PLA2G10: variants seen among roughly 807,000 people sequenced by gnomAD.
PLA2G10 encodes phospholipase A2 group X.
Under a neutral mutation model 7.9 loss-of-function variants are expected in PLA2G10, and 9 were observed. The ratio of observed to expected loss-of-function variants is 1.14; its 90% CI spans 0.68 to 1.98. The LOEUF is 1.98. Ranked by LOEUF, PLA2G10 falls within the 30% of genes most tolerant of loss-of-function variation. The probability of loss-of-function intolerance (pLI) is 0.00; values close to 1 mark genes in which losing one functional copy is unlikely to be tolerated. For synonymous variants in PLA2G10, 19 were observed against 27.5 expected, an observed-to-expected ratio of 0.69 and a Z score of 0.97; for missense variants, 53 against 65.4, an observed-to-expected ratio of 0.81 and a Z score of 0.66.
chr16:14,688,000 A>C (rs537626435), intron 3 of PLA2G10, among the ~76,000 whole-genome samples, 165 bp downstream of exon 3: 48 of 151,410 alleles, frequency 3.2e-4, no homozygotes, highest in Middle Eastern at 3.4e-3. Flanking sequence ...CTCTGACTCA[A>C]AAAATAAATA....
intron 3 of PLA2G10, among the ~76,000 whole-genome samples, chr16:14,687,484 C>T (rs1038804791): frequency 2.0e-5 from 3 of 151,838 alleles, no homozygotes; most frequent in Admixed American, 2.0e-4. Flanking sequence ...TGTGTGCCAC[C>T]ACGCCTGGCC....
intron 3 of PLA2G10, among the ~76,000 whole-genome samples, chr16:14,681,482 C>T (rs1260356685): frequency 6.6e-6 from 1 of 151,878 alleles, no homozygotes; most frequent in Non-Finnish European, 1.5e-5. Context: ...GACCTGGCCC[C>T]ACTGCTCCAT....
At chr16:14,685,673 G>C (rs1270477996) in intron 3 of PLA2G10, among the ~76,000 whole-genome samples, 1 of 152,058 alleles carries the variant, frequency 6.6e-6, no homozygotes, top group African/African-American at 2.4e-5. Context: ...AGTTAATTTT[G>C]TGTTATGTCT....
At chr16:14,677,126 A>T (rs1428730324) in intron 3 of PLA2G10, among the ~76,000 whole-genome samples, 2 of 152,168 alleles carry the variant, frequency 1.3e-5, no homozygotes, top group Non-Finnish European at 2.9e-5. Flanking sequence ...ATAAGTAAAA[A>T]TTTTCAAAAG....
intron 3 of PLA2G10, among the ~76,000 whole-genome samples, chr16:14,674,429 C>A (rs761329257): frequency 6.6e-6 from 1 of 152,168 alleles, no homozygotes; most frequent in East Asian, 1.9e-4. Flanking sequence ...ATAGGCTGGG[C>A]ACAGTGGCTC....
chr16:14,674,503 C>G (rs556076508), intron 3 of PLA2G10, among the ~76,000 whole-genome samples: 5 of 152,006 alleles, frequency 3.3e-5, no homozygotes, highest in Non-Finnish European at 7.4e-5. Context: ...CAGTTCGAGA[C>G]CAGCCTGGCC....
intron 3 of PLA2G10, among the ~76,000 whole-genome samples, chr16:14,679,218 AC>A (rs1597009648): frequency 6.6e-6 from 1 of 152,144 alleles, no homozygotes. Flanking sequence ...AATGCTGGGC[AC>A]CTATCTAGTA....
At chr16:14,673,458 G>A (rs756435237) in intron 3 of PLA2G10, among the ~76,000 whole-genome samples, 2 of 151,952 alleles carry the variant, frequency 1.3e-5, no homozygotes, top group Non-Finnish European at 2.9e-5. Context: ...TGCAGCCTCC[G>A]CCTCCTGGAC....
Position 14,672,763 on chromosome 16 carries a change from G to A in PLA2G10, c.356-14C>T. On this transcript the variant is annotated splice_polypyrimidine_tract_variant and intron_variant, in intron 3 of 3. Transcript: ENST00000438167. Reference sequence around the variant, plus strand: ...TCTCTGCCGGTCCTGGAAGAAGTGGGGAAACTGAGATTAGAGCAGGGACCT... The same window carrying A: ...TCTCTGCCGGTCCTGGAAGAAGTGGAGAAACTGAGATTAGAGCAGGGACCT... The A allele has an allele frequency of 6.2e-7, 1 of 1,613,518 alleles. No homozygotes were observed. The highest frequency in any genetic ancestry group is 8.5e-7 in the Non-Finnish European group (1 of 1,179,710).
At chr16:14,678,051 C>A (rs1960775766) in intron 3 of PLA2G10, among the ~76,000 whole-genome samples, 1 of 152,140 alleles carries the variant, frequency 6.6e-6, no homozygotes. Flanking sequence ...ACAAGCCTTC[C>A]TGCCTGTAAG....
At chr16:14,678,391 G>A (rs1366627878) in intron 3 of PLA2G10, among the ~76,000 whole-genome samples, 1 of 152,106 alleles carries the variant, frequency 6.6e-6, no homozygotes, top group Non-Finnish European at 1.5e-5. Context: ...CAAGACCACT[G>A]CAACAGCCTG....
At chr16:14,677,853 A>AGATGGATGGATGGATGGATG in intron 3 of PLA2G10, among the ~76,000 whole-genome samples, 1 of 146,074 alleles carries the variant, frequency 6.8e-6, no homozygotes, top group Non-Finnish European at 1.5e-5. Context: ...ATGGATGGAT[A>AGATGGATGGATGGATGGATG]GATGGATGGA....
intron 3 of PLA2G10, among the ~76,000 whole-genome samples, chr16:14,676,817 A>G (rs193043350): frequency 2.0e-5 from 3 of 152,344 alleles, no homozygotes; most frequent in African/African-American, 7.2e-5. Flanking sequence ...TGGTATTTTG[A>G]TAGGGATTGC....
chr16:14,684,057 T>C (rs1960974161), intron 3 of PLA2G10, among the ~76,000 whole-genome samples: 1 of 151,770 alleles, frequency 6.6e-6, no homozygotes. Flanking sequence ...GGGCAACTTA[T>C]CTCTACAAAA....
chr16:14,701,841 C>T, the PLA2G10 span: 3 of 75,780 alleles, frequency 4.0e-5, no homozygotes, highest in Admixed American at 4.5e-4. Context: ...AGTGACCACG[C>T]CACTGCACTC....
Position 14,684,137 on chromosome 16 carries a change from G to A in PLA2G10, c.355+4028C>T, listed in dbSNP as rs148960359. On this transcript the variant is annotated intron_variant, in intron 3 of 3. Coordinates refer to ENST00000438167, the MANE Select transcript of PLA2G10 (RefSeq NM_003561.3). ...GCACTTTGGGAGGCCAAGGCAGATGGATCATGAGGTCAGGAGTTCGAGACA... is the reference window on the plus strand; with the variant it reads ...GCACTTTGGGAGGCCAAGGCAGATGAATCATGAGGTCAGGAGTTCGAGACA... Among the ~76,000 whole-genome samples the A allele has an allele frequency of 9.9e-3, 1,493 of 151,330 alleles. 27 individuals carry two copies. The highest frequency in any genetic ancestry group is 0.034 in the African/African-American group (1,422 of 41,220).
rs530786486 is a variant in PLA2G10 at position 14,681,177 on chromosome 16, GAGAAA to G, written c.355+6983_355+6987del. ...AGACTCTATCTCAAAGAAAAGAAAAGAGAAAAGAAAAGAAAAGGGGGAGGGGGGAG... is the reference window on the plus strand; with the variant it reads ...AGACTCTATCTCAAAGAAAAGAAAAGAGAAAAGAAAAGGGGGAGGGGGGAG... On this transcript the variant is annotated intron_variant, in intron 3 of 3. Coordinates refer to ENST00000438167, the MANE Select transcript of PLA2G10 (RefSeq NM_003561.3). 2.6e-3 allele frequency among the ~76,000 whole-genome samples: 371 copies of G among 142,706 alleles called. 1 individual carries two copies. Among genetic ancestry groups the G allele is most frequent in the African/African-American group, 8.5e-3 (337 of 39,428 alleles). The allele number at this position is 142,706 out of a possible 152,430, so 93.6% of individuals were successfully genotyped here. A position where few individuals can be genotyped will look rare whatever the true frequency, so the allele number is the denominator to read the frequency against.
intron 3 of PLA2G10, among the ~76,000 whole-genome samples, chr16:14,684,337 C>CA (rs71373100): frequency 0.3 from 10,739 of 36,286 alleles, 1,116 homozygotes; most frequent in Non-Finnish European, 0.4. Flanking sequence ...GACTCCATCT[C>CA]AAAAAAAAAA....
chr16:14,677,333 T>C (rs1960749925), intron 3 of PLA2G10, among the ~76,000 whole-genome samples: 1 of 152,148 alleles, frequency 6.6e-6, no homozygotes, highest in Admixed American at 6.6e-5. Context: ...TGACATTTAG[T>C]ACATTCACAA....
Sources: allele counts gnomAD v4.1 joint callset (sites outside exome capture counted in the v4.1 genomes callset), GRCh38; gene constraint gnomAD v4.1.1; transcripts MANE v1.5; gene names NCBI Gene and HGNC (gene_info 2026-07-23, HGNC 2026-07-21).